ETS1: variants seen among roughly 807,000 people sequenced by gnomAD.
The protein encoded by ETS1 is ETS proto-oncogene 1, transcription factor.
ETS1 carries 15 observed loss-of-function variants against 58.6 expected under a neutral mutation model. The observed-to-expected ratio is 0.26, with a 90% CI of 0.17 to 0.39. The LOEUF (loss-of-function observed/expected upper bound fraction) is 0.39. Among genes scored for constraint, ETS1 ranks in the 10% least tolerant of loss-of-function variants. The probability of loss-of-function intolerance (pLI) is 1.00; values close to 1 mark genes in which losing one functional copy is unlikely to be tolerated. For missense variants in ETS1, 417 were observed against 610.5 expected (o/e 0.68, Z 3.34); for synonymous variants, 214 against 218.2 (o/e 0.98, Z 0.17).
At chr11:128,487,446 A>G (rs1862664256) in intron 5 of ETS1, among the ~76,000 whole-genome samples, 1 of 152,214 alleles carries the variant, frequency 6.6e-6, no homozygotes, top group African/African-American at 2.4e-5. Flanking sequence ...TAAGTTAAAT[A>G]AAAATATATT....
chr11:128,583,118 G>A (rs1477888466), intron 1 of ETS1, among the ~76,000 whole-genome samples: 1 of 152,174 alleles, frequency 6.6e-6, no homozygotes, highest in African/African-American at 2.4e-5. Context: ...GCTCCCACGT[G>A]GTGCTGATGC....
intron 8 of ETS1, among the ~76,000 whole-genome samples, chr11:128,468,954 T>C (rs1472340597): frequency 6.6e-6 from 1 of 152,224 alleles, no homozygotes; most frequent in African/African-American, 2.4e-5. Context: ...GTATGATAGC[T>C]TGTCTTCAGC....
At chr11:128,508,662 T>C (rs1394146128) in intron 3 of ETS1, among the ~76,000 whole-genome samples, 4 of 152,192 alleles carry the variant, frequency 2.6e-5, no homozygotes, top group Admixed American at 1.3e-4. Context: ...CGTAAGATCA[T>C]GGTAAAAAGC....
At chr11:128,548,368 G>T in intron 3 of ETS1, among the ~76,000 whole-genome samples, 1 of 150,090 alleles carries the variant, frequency 6.7e-6, no homozygotes, top group Non-Finnish European at 1.5e-5. Flanking sequence ...CAGTAATTCT[G>T]TGAGGTGGGC....
chr11:128,583,073 CT>C (rs1864907488), intron 1 of ETS1, among the ~76,000 whole-genome samples: 1 of 152,150 alleles, frequency 6.6e-6, no homozygotes, highest in African/African-American at 2.4e-5. Flanking sequence ...TGCAGTAGGT[CT>C]GAGGTCTGGC....
intron 5 of ETS1, among the ~76,000 whole-genome samples, chr11:128,488,807 C>T (rs906317873): frequency 2.0e-5 from 3 of 152,110 alleles, no homozygotes; most frequent in Non-Finnish European, 2.9e-5. Context: ...ACTGCAATTC[C>T]AATTCAGTTA....
At chr11:128,480,560 G>T (rs1055200289) in intron 7 of ETS1, 109 bp from the exon 8 acceptor site, 1 of 734,698 alleles carries the variant, frequency 1.4e-6, no homozygotes, top group Non-Finnish European at 2.3e-6. Flanking sequence ...CAGATCTGCA[G>T]GAAGGACGGA....
intron 3 of ETS1, among the ~76,000 whole-genome samples, chr11:128,524,008 A>G (rs1460350992): frequency 6.6e-6 from 1 of 152,196 alleles, no homozygotes; most frequent in East Asian, 1.9e-4. Context: ...TGCTTTGGGG[A>G]ATTTTGTTTT....
chr11:128,561,340 G>T (rs1444636358), intron 2 of ETS1, among the ~76,000 whole-genome samples: 1 of 152,234 alleles, frequency 6.6e-6, no homozygotes, highest in African/African-American at 2.4e-5. Flanking sequence ...AAGGCGAGGA[G>T]GCTGACACAG....
intron 3 of ETS1, among the ~76,000 whole-genome samples, chr11:128,523,014 A>G (rs1215005223): frequency 6.6e-6 from 1 of 152,224 alleles, no homozygotes; most frequent in Admixed American, 6.5e-5. Context: ...AGCTTCCGTA[A>G]GCTTCCAATT....
intron 3 of ETS1, chr11:128,497,576 G>T: frequency 1.0e-6 from 1 of 984,594 alleles, no homozygotes; most frequent in Non-Finnish European, 1.2e-6. Context: ...GACTCACCAG[G>T]CTCACACATG....
intron 3 of ETS1, among the ~76,000 whole-genome samples, chr11:128,519,150 GAA>G (rs1482742287): frequency 6.6e-6 from 1 of 152,194 alleles, no homozygotes; most frequent in Admixed American, 6.5e-5. Flanking sequence ...CACTTGCAAG[GAA>G]AAGTCAATTC....
intron 3 of ETS1, among the ~76,000 whole-genome samples, chr11:128,529,806 A>G (rs1385097250): frequency 6.6e-6 from 1 of 152,208 alleles, no homozygotes; most frequent in East Asian, 1.9e-4. Context: ...TACCTTAGGC[A>G]TCCTTCAATG....
intron 3 of ETS1, among the ~76,000 whole-genome samples, chr11:128,551,611 A>C (rs914263742): frequency 1.3e-5 from 2 of 152,164 alleles, no homozygotes; most frequent in Non-Finnish European, 2.9e-5. Context: ...ATGTACACCC[A>C]CACACACACT....
intron 3 of ETS1, among the ~76,000 whole-genome samples, chr11:128,491,681 T>C (rs1862804970): frequency 6.6e-6 from 1 of 152,186 alleles, no homozygotes; most frequent in African/African-American, 2.4e-5. Context: ...GCAAGACATT[T>C]TAGAAAGTTA....
intron 2 of ETS1, among the ~76,000 whole-genome samples, chr11:128,572,686 T>C (rs993601959): frequency 3.7e-4 from 56 of 152,256 alleles, no homozygotes; most frequent in Non-Finnish European, 2.2e-4. Flanking sequence ...ATTGGCTTTT[T>C]ATGTCTGAGG....
intron 3 of ETS1, among the ~76,000 whole-genome samples, chr11:128,551,512 A>G (rs1027672902): frequency 2.0e-5 from 3 of 152,258 alleles, no homozygotes; most frequent in Non-Finnish European, 4.4e-5. Flanking sequence ...GATTTTAGTG[A>G]GATCCAAAGC....
At chr11:128,571,938 G>C (rs1419531423) in intron 2 of ETS1, 2 of 152,070 alleles carry the variant, frequency 1.3e-5, no homozygotes, top group African/African-American at 4.8e-5. Context: ...CAGCCACTCG[G>C]GAGGCTGAGG....
intron 2 of ETS1, among the ~76,000 whole-genome samples, chr11:128,563,912 T>C (rs1171906326): frequency 6.6e-6 from 1 of 152,176 alleles, no homozygotes; most frequent in Non-Finnish European, 1.5e-5. Context: ...CTTAAACCCT[T>C]CCTCCTGGTT....
Sources: allele counts gnomAD v4.1 joint callset (sites outside exome capture counted in the v4.1 genomes callset), GRCh38; gene constraint gnomAD v4.1.1; transcripts MANE v1.5; gene names NCBI Gene and HGNC (gene_info 2026-07-23, HGNC 2026-07-21).